SPTLC2: variants seen among roughly 807,000 people sequenced by gnomAD.
SPTLC2 encodes serine palmitoyltransferase 2.
Under a neutral mutation model 62.0 loss-of-function variants are expected in SPTLC2, and 21 were observed. That is an observed-to-expected ratio of 0.34 (90% confidence interval 0.24 to 0.49). The LOEUF is 0.49. Ranked by LOEUF, SPTLC2 falls within the 20% of genes least tolerant of loss-of-function variation. The probability of loss-of-function intolerance (pLI) is 0.99; values close to 1 mark genes in which losing one functional copy is unlikely to be tolerated. For synonymous variants in SPTLC2, 261 were observed against 261.8 expected (o/e 1.00, Z 0.03); for missense variants, 511 against 713.0 (o/e 0.72, Z 3.23).
chr14:77,578,784 A>G (rs2079731599), intron 3 of SPTLC2, 171 bp downstream of exon 3: 1 of 656,528 alleles, frequency 1.5e-6, no homozygotes, highest in East Asian at 2.9e-5. Context: ...TGTAATAGAA[A>G]GATATATCTT....
intron 2 of SPTLC2, among the ~76,000 whole-genome samples, chr14:77,596,916 A>G (rs1050538645): frequency 1.3e-5 from 2 of 152,188 alleles, no homozygotes; most frequent in African/African-American, 4.8e-5. Context: ...ACGTTGTTTA[A>G]CTTGTGACTT....
At chr14:77,526,431 T>G (rs1018392578) in intron 9 of SPTLC2, among the ~76,000 whole-genome samples, 1 of 152,234 alleles carries the variant, frequency 6.6e-6, no homozygotes, top group African/African-American at 2.4e-5. Flanking sequence ...CAGAATTCTT[T>G]CCTACTTTTC....
rs149639255 is a variant in SPTLC2, at chr14:77,580,227, C to A, written c.328-1118G>T. Among the ~76,000 whole-genome samples, 45 of 149,354 alleles carry A rather than the reference C, an allele frequency of 3.0e-4. No homozygotes were observed. The East Asian group carries it at 9.1e-3, about 30-fold the overall frequency. On this transcript the variant is annotated intron_variant, in intron 2 of 11. Coordinates refer to ENST00000216484, the MANE Select transcript of SPTLC2 (RefSeq NM_004863.4). ...GTAGCTCACACCTGTAATCCCAGCA[C>A]TTTGGGAGGCCGAGGTGGGTGGGTG... is the stretch of plus-strand genomic sequence containing the variant.
chr14:77,507,332 C>CTTT lies in SPTLC2; in HGVS notation c.*4949_*4951dup, dbSNP rs373479393. 0.024 allele frequency: 3,281 copies of CTTT among 138,960 alleles called. 129 individuals are homozygous for CTTT. The highest frequency in any genetic ancestry group is 0.083 in the African/African-American group (3,132 of 37,534). The allele number at this position is 138,960 out of a possible 1,614,324, so 8.6% of individuals were successfully genotyped here. ...GCAATGGCTAGGGGCCTGGGCACAC[C>CTTT]TTTTTTTTTTTTTTTTGAGACAGAG... On this transcript the variant is annotated 3_prime_UTR_variant, in exon 12 of 12. Coordinates refer to ENST00000216484, the MANE Select transcript of SPTLC2 (RefSeq NM_004863.4).
intron 1 of SPTLC2, among the ~76,000 whole-genome samples, chr14:77,613,178 C>T (rs1031375792): frequency 6.6e-6 from 1 of 152,124 alleles, no homozygotes; most frequent in African/African-American, 2.4e-5. Flanking sequence ...AATAATAATC[C>T]AATTTGCTAT....
At chr14:77,572,404 G>A (rs187276871) in intron 4 of SPTLC2, among the ~76,000 whole-genome samples, 56 of 152,268 alleles carry the variant, frequency 3.7e-4, no homozygotes, top group Non-Finnish European at 6.8e-4. Flanking sequence ...GATGCTACGG[G>A]TTCCATTGTG....
At chr14:77,593,417 T>C (rs1165877033) in intron 2 of SPTLC2, among the ~76,000 whole-genome samples, 1 of 152,182 alleles carries the variant, frequency 6.6e-6, no homozygotes, top group Non-Finnish European at 1.5e-5. Context: ...CTTTATTAAT[T>C]CAAGCTTTTG....
Position 77,579,444 on chromosome 14 carries a change from A to C in SPTLC2, c.328-335T>G, listed in dbSNP as rs111787530. ...AGCACCTGAGAATGAGAGGCCACTT[A>C]TATTTAATTAACTGCTAAATCAGGA... On this transcript the variant is annotated intron_variant, in intron 2 of 11. Transcript: ENST00000216484. 8.9e-4 allele frequency among the ~76,000 whole-genome samples: 135 copies of C among 152,318 alleles called. 1 individual carries two copies. The highest frequency in any genetic ancestry group is 3.1e-3 in the African/African-American group (127 of 41,582).
At position 77,590,970 on chromosome 14, in the gene SPTLC2, C is replaced by T. The variant is rs115417212; in HGVS notation, c.327+6216G>A. Reference sequence around the variant, plus strand: ...AACCTAACACTGGCACTAGTCCAAACGGATACAGAGGTAAACCTACTGCCA... The same window carrying T: ...AACCTAACACTGGCACTAGTCCAAATGGATACAGAGGTAAACCTACTGCCA... On this transcript the variant is annotated intron_variant, in intron 2 of 11. Coordinates refer to ENST00000216484, the MANE Select transcript of SPTLC2 (RefSeq NM_004863.4). Among the ~76,000 whole-genome samples the T allele has an allele frequency of 1.7e-3, 253 of 152,180 alleles. 1 individual carries two copies. Among genetic ancestry groups the T allele is most frequent in the African/African-American group, 5.6e-3 (233 of 41,536 alleles).
At chr14:77,587,134 AGAAGAATGGCGTGAACCCAGGAGGCG>A (rs1463063407) in intron 2 of SPTLC2, among the ~76,000 whole-genome samples, 1 of 152,074 alleles carries the variant, frequency 6.6e-6, no homozygotes, top group Non-Finnish European at 1.5e-5. Context: ...AGGCTGAGGC[AGAAGAATGGCGTGAACCCAGGAGGCG>A]GAGCTTGCAG....
intron 5 of SPTLC2, among the ~76,000 whole-genome samples, chr14:77,564,482 TAC>T (rs1473365699): frequency 1.3e-5 from 2 of 151,234 alleles, no homozygotes; most frequent in African/African-American, 4.9e-5. Context: ...TTCGCATATA[TAC>T]ATACATTTTC....
At chr14:77,560,619 A>G (rs2079609408) in intron 6 of SPTLC2, among the ~76,000 whole-genome samples, 1 of 47,962 alleles carries the variant, frequency 2.1e-5, no homozygotes, top group Non-Finnish European at 4.9e-5. Context: ...TGTCTCAAAA[A>G]TAAAAATAAA....
At chr14:77,556,191 C>T (rs971474294) in intron 7 of SPTLC2, among the ~76,000 whole-genome samples, 3 of 151,952 alleles carry the variant, frequency 2.0e-5, no homozygotes, top group African/African-American at 7.3e-5. Flanking sequence ...GGCTTGGTGG[C>T]ACACACCTGT....
At chr14:77,577,663 GC>G in intron 3 of SPTLC2, among the ~76,000 whole-genome samples, 1 of 152,320 alleles carries the variant, frequency 6.6e-6, no homozygotes, top group Admixed American at 6.5e-5. Context: ...ACTTTGGGAG[GC>G]CGCGGTGGGT....
At chr14:77,561,187 A>C (rs1207794660) in intron 6 of SPTLC2, among the ~76,000 whole-genome samples, 1 of 152,158 alleles carries the variant, frequency 6.6e-6, no homozygotes, top group Non-Finnish European at 1.5e-5. Context: ...CCAGTAGAAA[A>C]ATTTAGAAAC....
At chr14:77,579,527 C>T (rs1180546638) in intron 2 of SPTLC2, among the ~76,000 whole-genome samples, 1 of 152,138 alleles carries the variant, frequency 6.6e-6, no homozygotes, top group Non-Finnish European at 1.5e-5. Flanking sequence ...TGCAGGAGGA[C>T]TGCTTGAGCT....
intron 2 of SPTLC2, among the ~76,000 whole-genome samples, chr14:77,581,885 A>G (rs916998179): frequency 6.6e-6 from 1 of 152,172 alleles, no homozygotes; most frequent in Non-Finnish European, 1.5e-5. Flanking sequence ...ATCCAATTCT[A>G]ATTAAAACTT....
chr14:77,549,567 C>T (rs2079545630), intron 9 of SPTLC2, among the ~76,000 whole-genome samples: 1 of 152,188 alleles, frequency 6.6e-6, no homozygotes, highest in African/African-American at 2.4e-5. Context: ...AACCACCAAC[C>T]ATCTCAGTCT....
intron 9 of SPTLC2, among the ~76,000 whole-genome samples, chr14:77,542,165 A>G (rs538862366): frequency 6.6e-6 from 1 of 152,232 alleles, no homozygotes; most frequent in Non-Finnish European, 1.5e-5. Flanking sequence ...GAGCATGTAA[A>G]GAAAAAAAAA....
Sources: gnomAD v4.1 joint callset for allele counts (sites outside exome capture counted in the v4.1 genomes callset) on GRCh38, gnomAD v4.1.1 for gene constraint, MANE v1.5 for transcripts, NCBI Gene and HGNC (gene_info 2026-07-23, HGNC 2026-07-21) for gene names.